Variants in GRAMD4 observed in about 807,000 individuals in gnomAD.
GRAMD4 encodes GRAM domain containing 4, also known as GRAM domain-containing protein 4.
GRAMD4 carries 25 observed loss-of-function variants against 83.9 expected under a neutral mutation model. The ratio of observed to expected loss-of-function variants is 0.30; its 90% confidence interval spans 0.22 to 0.42. The LOEUF is 0.42. Ranked by LOEUF, GRAMD4 falls within the 10% of genes least tolerant of loss-of-function variation. GRAMD4 has a pLI of 1.00. For missense variants in GRAMD4, 593 were observed against 788.7 expected, an observed-to-expected ratio of 0.75 and a Z score of 2.97; for synonymous variants, 336 against 320.9, an observed-to-expected ratio of 1.05 and a Z score of -0.50.
Position 46,595,839 on chromosome 22 carries a change from C to T in GRAMD4, c.-50+18549C>T, listed in dbSNP as rs565453507. 3.8e-3 allele frequency among the ~76,000 whole-genome samples: 572 copies of T among 152,374 alleles called. 1 individual carries two copies. Among genetic ancestry groups the T allele is most frequent in the Non-Finnish European group, 5.7e-3 (390 of 68,028 alleles). ...AGGGTGAAACACGACTTGTCCAGAT[C>T]CCCGGCCTTAACACCCAGTGCTGTT... On this transcript the variant is annotated intron_variant, in intron 1 of 1. Coordinates refer to the GRAMD4 transcript ENST00000431155.
At chr22:46,665,841 C>T in intron 9 of GRAMD4, 135 bp downstream of exon 9, 2 of 612,412 alleles carry the variant, frequency 3.3e-6, no homozygotes, top group Non-Finnish European at 6.0e-6. Flanking sequence ...CTGACAGGCT[C>T]CAGAGACCCC....
intron 1 of GRAMD4, among the ~76,000 whole-genome samples, chr22:46,612,460 C>T (rs1601557159): frequency 1.3e-5 from 2 of 152,172 alleles, no homozygotes; most frequent in East Asian, 1.9e-4. Context: ...CTCAGGTGCG[C>T]GGGAGGCCTG....
intron 3 of GRAMD4, among the ~76,000 whole-genome samples, chr22:46,647,389 T>A (rs1023511065): frequency 2.6e-5 from 4 of 152,208 alleles, no homozygotes; most frequent in Non-Finnish European, 5.9e-5. Context: ...GGATACTTCA[T>A]TGCCCAGGAC....
intron 1 of GRAMD4, among the ~76,000 whole-genome samples, chr22:46,577,590 G>T (rs1411799532): frequency 6.6e-6 from 1 of 151,932 alleles, no homozygotes; most frequent in East Asian, 1.9e-4. Flanking sequence ...CCCGGACTGG[G>T]GTGGGGGTCG....
intron 3 of GRAMD4, among the ~76,000 whole-genome samples, chr22:46,647,339 T>C (rs1199664134): frequency 1.3e-5 from 2 of 152,262 alleles, no homozygotes; most frequent in Non-Finnish European, 2.9e-5. Context: ...CATGAACTCC[T>C]GTCTGCTCTT....
chr22:46,581,688 G>A (rs2081100396), intron 1 of GRAMD4, among the ~76,000 whole-genome samples: 1 of 152,264 alleles, frequency 6.6e-6, no homozygotes, highest in Non-Finnish European at 1.5e-5. Flanking sequence ...GGAGGTAGGT[G>A]CTCTTGTTAG....
At chr22:46,628,174 G>A (rs1038115659) in intron 2 of GRAMD4, among the ~76,000 whole-genome samples, 2 of 152,224 alleles carry the variant, frequency 1.3e-5, no homozygotes, top group Non-Finnish European at 2.9e-5. Flanking sequence ...TCAACAGGGA[G>A]GGGTGACGGG....
At chr22:46,666,925 G>T (rs773662308) in intron 10 of GRAMD4, 52 bp downstream of exon 10, 15 of 1,329,948 alleles carry the variant, frequency 1.1e-5, no homozygotes, top group Admixed American at 2.2e-5. Flanking sequence ...ATCACGTCAG[G>T]CCTCACAGCC....
chr22:46,672,748 A>G lies in GRAMD4; in HGVS notation c.1085-95A>G. On this transcript the variant is annotated intron_variant, in intron 13 of 18. Transcript: ENST00000406902. This position sits in a 1 kb window ranked among gnomAD's most constrained non-coding sequence, Gnocchi z 4.7. ...ATCCAGGCTCAGGGTGGAGGGTGCC[A>G]ATCTGGGAGGTGGGAGGTGCCGGAA... 1 of 960,980 alleles carries G rather than the reference A, an allele frequency of 1.0e-6. No individual in the cohort carries two copies. The highest frequency in any genetic ancestry group is 1.6e-6 in the Non-Finnish European group (1 of 622,662). 59.5% of individuals were successfully genotyped at this position (960,980 alleles called of 1,614,324 possible). A position where few individuals can be genotyped will look rare whatever the true frequency, so the allele number is the denominator to read the frequency against.
rs142381361 is a variant in GRAMD4 at position 46,579,744 on chromosome 22, C to T, written c.-50+2454C>T. 1.3e-3 allele frequency among the ~76,000 whole-genome samples: 200 copies of T among 152,264 alleles called. 1 individual carries two copies. Among genetic ancestry groups the T allele is most frequent in the African/African-American group, 4.3e-3 (179 of 41,544 alleles). On this transcript the variant is annotated intron_variant, in intron 1 of 1. Transcript: ENST00000431155. ...TATTTCTCTCCGGTAGCCGAATCTA[C>T]TGGGGTTTATTTGGCATTGGGGTTC...
chr22:46,672,799 GC>G lies in GRAMD4; in HGVS notation c.1085-43del. 6.5e-7 allele frequency: 1 copy of G among 1,528,848 alleles called. No individual in the cohort carries two copies. Among genetic ancestry groups the G allele is most frequent in the Non-Finnish European group, 9.0e-7 (1 of 1,112,576 alleles). The allele number at this position is 1,528,848 out of a possible 1,614,324, so 94.7% of individuals were successfully genotyped here. On this transcript the variant is annotated intron_variant, in intron 13 of 18. Transcript: ENST00000406902. This position sits in a 1 kb window ranked among gnomAD's most constrained non-coding sequence, Gnocchi z 4.7. ...CCATCACCCTGAGTAGACTGGCATA[GC>G]TGCAGAGCTCTAGATGGAGCAGGCT... is the stretch of plus-strand genomic sequence containing the variant.
downstream of GRAMD4, among the ~76,000 whole-genome samples, chr22:46,680,155 G>T (rs1458797819): frequency 1.3e-5 from 2 of 152,222 alleles, no homozygotes; most frequent in African/African-American, 2.4e-5. Flanking sequence ...CAGGGGGCAT[G>T]CAGGCTTTGG....
rs555996024 is a variant in GRAMD4, at chr22:46,620,567, TAGGGGGC to T, written c.-50+23_-50+29del. ...TGGATGTATCTGAGACAGACGGAGG[TAGGGGGC>T]AGGGGGCAGGGGGCAGGGGGACATG... is the stretch of plus-strand genomic sequence containing the variant. On this transcript the variant is annotated splice_donor_5th_base_variant and intron_variant, in intron 1 of 18. Coordinates refer to ENST00000406902, the MANE Select transcript of GRAMD4 (RefSeq NM_015124.5). The surrounding 1 kb of genome is among the most constrained non-coding windows in gnomAD (Gnocchi z 4.7). 84 of 115,980 alleles carry T rather than the reference TAGGGGGC, an allele frequency of 7.2e-4. 2 individuals are homozygous for T. Among genetic ancestry groups the T allele is most frequent in the Non-Finnish European group, 4.5e-4 (34 of 74,928 alleles). The allele number at this position is 115,980 out of a possible 1,614,324, so 7.2% of individuals were successfully genotyped here.
intron 13 of GRAMD4, among the ~76,000 whole-genome samples, chr22:46,670,265 C>T (rs185093043): frequency 1.3e-5 from 2 of 152,286 alleles, no homozygotes; most frequent in African/African-American, 4.8e-5. Context: ...AGCGTAACTG[C>T]TGGTGGGAGG....
chr22:46,666,939 A>G, intron 10 of GRAMD4, 66 bp downstream of exon 10: 1 of 1,182,928 alleles, frequency 8.5e-7, no homozygotes, highest in Non-Finnish European at 1.2e-6. Flanking sequence ...CACAGCCTGT[A>G]GGCACCGCTC....
chr22:46,613,914 G>A (rs1176140173), intron 1 of GRAMD4, among the ~76,000 whole-genome samples: 1 of 152,218 alleles, frequency 6.6e-6, no homozygotes, highest in Non-Finnish European at 1.5e-5. Context: ...CTGGGAGGGA[G>A]GTGGGTGAGG....
intron 3 of GRAMD4, among the ~76,000 whole-genome samples, chr22:46,648,263 G>A (rs2082099847): frequency 6.6e-6 from 1 of 150,676 alleles, no homozygotes; most frequent in African/African-American, 2.4e-5. Context: ...GGTAGATTAG[G>A]TAAATGGATG....
At chr22:46,639,496 GTGTT>G (rs1259471872) in intron 3 of GRAMD4, among the ~76,000 whole-genome samples, 2 of 151,892 alleles carry the variant, frequency 1.3e-5, no homozygotes, top group African/African-American at 2.4e-5. Context: ...GGTTAACCCT[GTGTT>G]TGTGTGTGAG....
Position 46,678,600 on chromosome 22 carries a change from T to C in GRAMD4, c.*1349T>C. On this transcript the variant is annotated 3_prime_UTR_variant, in exon 19 of 19. Transcript: ENST00000406902. ...GGCGGATCCCGCAGCTCCCTCAGCT[T>C]GTCCTGAGTCCCTTGGGTGTCGTTG... The C allele has an allele frequency of 1.0e-6, 1 of 985,516 alleles. No individual in the cohort carries two copies. The highest frequency in any genetic ancestry group is 1.2e-6 in the Non-Finnish European group (1 of 829,938). The allele number at this position is 985,516 out of a possible 1,614,324, so 61.0% of individuals were successfully genotyped here. A position where few individuals can be genotyped will look rare whatever the true frequency, so the allele number is the denominator to read the frequency against.
Sources: allele counts gnomAD v4.1 joint callset (sites outside exome capture counted in the v4.1 genomes callset), GRCh38; gene constraint gnomAD v4.1.1; non-coding constraint Gnocchi (gnomAD v3.1); transcripts MANE v1.5; gene names NCBI Gene and HGNC (gene_info 2026-07-23, HGNC 2026-07-21).